Variants in XKR4 observed in about 807,000 individuals in gnomAD.
The protein encoded by XKR4 is XK-related protein 4.
XKR4 carries 12 observed loss-of-function variants against 53.9 expected under a neutral mutation model. The ratio of observed to expected loss-of-function variants is 0.22; its 90% CI spans 0.14 to 0.36. The LOEUF (loss-of-function observed/expected upper bound fraction) is 0.36. XKR4 is among the 10% of genes least tolerant of loss of function. The pLI, the probability that XKR4 is intolerant of heterozygous loss-of-function variation, is 1.00. For missense variants in XKR4, 799 were observed against 859.5 expected (o/e 0.93, Z 0.88); for synonymous variants, 354 against 362.4 (o/e 0.98, Z 0.26).
At chr8:55,209,733 C>T (rs537678640) in intron 1 of XKR4, among the ~76,000 whole-genome samples, 86 of 152,314 alleles carry the variant, frequency 5.6e-4, no homozygotes, top group African/African-American at 1.9e-3. Flanking sequence ...CTCTGCCGGC[C>T]AGGAGGCCCA....
At chr8:55,240,221 T>G (rs571216524) in intron 1 of XKR4, among the ~76,000 whole-genome samples, 59 of 152,264 alleles carry the variant, frequency 3.9e-4, no homozygotes, top group African/African-American at 1.3e-3. Flanking sequence ...AATACATTTA[T>G]GAAATGCCCC....
intron 2 of XKR4, among the ~76,000 whole-genome samples, chr8:55,362,434 G>T (rs1482775278): frequency 2.0e-5 from 3 of 152,172 alleles, no homozygotes; most frequent in Non-Finnish European, 4.4e-5. Flanking sequence ...GACTGAGAGA[G>T]AACCTGGTGA....
chr8:55,274,058 A>C (rs372027141), intron 1 of XKR4, among the ~76,000 whole-genome samples: 13 of 152,358 alleles, frequency 8.5e-5, no homozygotes, highest in African/African-American at 3.1e-4. Flanking sequence ...TTCATGCATA[A>C]GATCTTCAGC....
intron 2 of XKR4, among the ~76,000 whole-genome samples, chr8:55,379,358 AT>A (rs1364893969): frequency 1.1e-4 from 16 of 152,346 alleles, no homozygotes; most frequent in Admixed American, 4.6e-4. Flanking sequence ...TTACAAAAAA[AT>A]ACCTCTACTT....
intron 1 of XKR4, among the ~76,000 whole-genome samples, chr8:55,226,447 T>A (rs1346888047): frequency 6.6e-6 from 1 of 152,198 alleles, no homozygotes; most frequent in Non-Finnish European, 1.5e-5. Context: ...ATGACATGAT[T>A]GCTGACTCAG....
intron 1 of XKR4, among the ~76,000 whole-genome samples, chr8:55,287,705 C>T (rs975120629): frequency 2.6e-5 from 4 of 152,234 alleles, no homozygotes; most frequent in African/African-American, 9.6e-5. Flanking sequence ...CCTCCTTTTC[C>T]TTCCTGTCTT....
intron 1 of XKR4, among the ~76,000 whole-genome samples, chr8:55,268,662 G>A (rs1346232133): frequency 6.6e-6 from 1 of 152,050 alleles, no homozygotes; most frequent in Non-Finnish European, 1.5e-5. Flanking sequence ...AATAGCAACA[G>A]CATCAACGTT....
intron 1 of XKR4, among the ~76,000 whole-genome samples, chr8:55,287,396 A>T (rs942656426): frequency 6.6e-6 from 1 of 152,102 alleles, no homozygotes; most frequent in Non-Finnish European, 1.5e-5. Context: ...GAGGCTTCAC[A>T]TGTGTCTATT....
intron 1 of XKR4, among the ~76,000 whole-genome samples, chr8:55,301,101 G>C (rs969345394): frequency 6.6e-6 from 1 of 151,254 alleles, no homozygotes; most frequent in South Asian, 2.1e-4. Context: ...CCCATTAACT[G>C]GTCATTTAGC....
rs183055227 is a variant in XKR4, at chr8:55,378,333, A to T, written c.1006+20456A>T. On this transcript the variant is annotated intron_variant, in intron 2 of 2. Transcript: ENST00000327381. ...CAAAGAGAGCTGTCAGTGGCTAATA[A>T]CGTGCAAATGCAAGATTCGTCTGAA... Among the ~76,000 whole-genome samples the T allele has an allele frequency of 2.7e-3, 413 of 152,326 alleles. 2 individuals are homozygous for T. The highest frequency in any genetic ancestry group is 4.1e-3 in the Admixed American group (63 of 15,302).
chr8:55,115,784 A>G (rs754608597), intron 1 of XKR4, among the ~76,000 whole-genome samples: 1 of 152,180 alleles, frequency 6.6e-6, no homozygotes, highest in East Asian at 1.9e-4. Flanking sequence ...TCACACACAC[A>G]CACAAAAAGT....
rs566971419 is a variant in XKR4 at position 55,437,602 on chromosome 8, G to A, written c.1006+79725G>A. On this transcript the variant is annotated intron_variant, in intron 2 of 2. Transcript: ENST00000327381. ...GAGAATGTGAATGATATAAGGAGAC[G>A]TAGCAAACACTCATTGAGTGCTCAC... 3.3e-5 allele frequency among the ~76,000 whole-genome samples: 5 copies of A among 152,276 alleles called. No individual in the cohort carries two copies. In the South Asian group the frequency reaches 6.2e-4, roughly 19 times the overall value.
intron 2 of XKR4, among the ~76,000 whole-genome samples, chr8:55,441,471 A>G (rs1216155386): frequency 6.6e-6 from 1 of 152,210 alleles, no homozygotes; most frequent in Admixed American, 6.5e-5. Flanking sequence ...GAGGAAGTAT[A>G]TAGAATATTT....
intron 1 of XKR4, among the ~76,000 whole-genome samples, chr8:55,247,855 C>CTTTCTTTCTTTCTTTCTTTCTTT (rs369983175): frequency 2.3e-4 from 14 of 59,890 alleles, no homozygotes; most frequent in Admixed American, 7.0e-4. Context: ...TTCTTTCTTT[C>CTTTCTTTCTTTCTTTCTTTCTTT]TTTTTTTTTT....
intron 2 of XKR4, among the ~76,000 whole-genome samples, chr8:55,363,647 T>C (rs1457357065): frequency 6.6e-6 from 1 of 152,180 alleles, no homozygotes; most frequent in Non-Finnish European, 1.5e-5. Flanking sequence ...CGCATTTAAA[T>C]GACCTGGGTT....
chr8:55,177,425 A>G (rs1817250884), intron 1 of XKR4, among the ~76,000 whole-genome samples: 1 of 152,250 alleles, frequency 6.6e-6, no homozygotes, highest in African/African-American at 2.4e-5. Context: ...TCTCAGGCAC[A>G]GCTGAGTTTT....
At chr8:55,241,563 T>C (rs1818210953) in intron 1 of XKR4, among the ~76,000 whole-genome samples, 1 of 152,120 alleles carries the variant, frequency 6.6e-6, no homozygotes, top group Non-Finnish European at 1.5e-5. Context: ...ATATGTATGT[T>C]GTTTCCTGCC....
At chr8:55,351,965 G>T (rs1585534139) in intron 1 of XKR4, among the ~76,000 whole-genome samples, 1 of 152,194 alleles carries the variant, frequency 6.6e-6, no homozygotes, top group Non-Finnish European at 1.5e-5. Context: ...ATCCATAAAA[G>T]GATGCATGTT....
In XKR4 at chr8:55,459,726, G is replaced by A. The variant is rs531777120; in HGVS notation, c.1007-63555G>A. On this transcript the variant is annotated intron_variant, in intron 2 of 2. Coordinates refer to ENST00000327381, the MANE Select transcript of XKR4 (RefSeq NM_052898.2). ...GTAACTAGGGAAAAGTAAATTAAAA[G>A]CGCACACCCACTATAATGACTGCAA... Among the ~76,000 whole-genome samples, 6 of 152,190 alleles carry A rather than the reference G, an allele frequency of 3.9e-5. No homozygotes were observed. In the East Asian group the frequency reaches 9.6e-4, roughly 24 times the overall value.
Sources: gnomAD v4.1 joint callset for allele counts (sites outside exome capture counted in the v4.1 genomes callset) on GRCh38, gnomAD v4.1.1 for gene constraint, MANE v1.5 for transcripts, NCBI Gene and HGNC (gene_info 2026-07-23, HGNC 2026-07-21) for gene names.